The following POU2F1 variants were observed in gnomAD, a reference collection of about 807,000 sequenced individuals.
POU2F1 encodes POU class 2 homeobox 1, also known as POU domain, class 2, transcription factor 1.
POU2F1 carries 16 observed loss-of-function variants against 84.9 expected under a neutral mutation model. The observed-to-expected ratio is 0.19, with a 90% CI of 0.13 to 0.29. The LOEUF is 0.29. Among genes scored for constraint, POU2F1 ranks in the 10% least tolerant of loss-of-function variants. The pLI is 1.00. For missense variants in POU2F1, 738 were observed against 942.6 expected (o/e 0.78, Z 2.84); for synonymous variants, 368 against 368.3 (o/e 1.00, Z 0.01).
At chr1:167,255,652 T>C (rs1418263859) in intron 1 of POU2F1, among the ~76,000 whole-genome samples, 3 of 151,974 alleles carry the variant, frequency 2.0e-5, no homozygotes, top group Admixed American at 2.0e-4. Context: ...CAAGAATCCA[T>C]ACAAGAGCAA....
intron 1 of POU2F1, among the ~76,000 whole-genome samples, chr1:167,257,039 G>T (rs766759503): frequency 6.6e-6 from 1 of 152,166 alleles, no homozygotes; most frequent in Non-Finnish European, 1.5e-5. Flanking sequence ...GCCACTTCTT[G>T]ATGCTATCTA....
intron 7 of POU2F1, chr1:167,379,234 C>T (rs1232327034): frequency 1.3e-5 from 2 of 152,226 alleles, no homozygotes; most frequent in Non-Finnish European, 2.9e-5. Flanking sequence ...TATCTGGACT[C>T]ACTTAGAGGA....
intron 5 of POU2F1, among the ~76,000 whole-genome samples, chr1:167,372,393 A>C (rs1248280046): frequency 6.6e-6 from 1 of 152,230 alleles, no homozygotes; most frequent in Admixed American, 6.5e-5. Context: ...ACATCACTGC[A>C]GGGTAGAAGT....
At chr1:167,234,391 T>C (rs1255031625) in intron 1 of POU2F1, among the ~76,000 whole-genome samples, 3 of 152,226 alleles carry the variant, frequency 2.0e-5, no homozygotes, top group Non-Finnish European at 4.4e-5. Flanking sequence ...TGCAAACTGC[T>C]GATCCTGGTA....
At chr1:167,310,134 G>A (rs1252519837) in intron 1 of POU2F1, among the ~76,000 whole-genome samples, 1 of 151,924 alleles carries the variant, frequency 6.6e-6, no homozygotes, top group African/African-American at 2.4e-5. Context: ...GAAGTTGTTA[G>A]CAAAATATAA....
At chr1:167,252,156 C>T (rs1013001650) in intron 1 of POU2F1, among the ~76,000 whole-genome samples, 2 of 152,110 alleles carry the variant, frequency 1.3e-5, no homozygotes, top group Non-Finnish European at 2.9e-5. Flanking sequence ...GCCACCGCTG[C>T]AAGTCTCTTC....
intron 1 of POU2F1, among the ~76,000 whole-genome samples, chr1:167,275,296 G>T (rs192183954): frequency 5.3e-5 from 8 of 152,088 alleles, no homozygotes; most frequent in Admixed American, 1.3e-4. Flanking sequence ...AAAGTGTTGG[G>T]ATTACAGGTG....
chr1:167,237,766 A>AAATTTTTT (rs1557836583), intron 1 of POU2F1, among the ~76,000 whole-genome samples: 1 of 58,034 alleles, frequency 1.7e-5, no homozygotes, highest in African/African-American at 5.9e-5. Context: ...ATATATATAT[A>AAATTTTTT]TATATATTTT....
At chr1:167,346,172 A>AT (rs1234921023) in intron 2 of POU2F1, among the ~76,000 whole-genome samples, 16 of 151,510 alleles carry the variant, frequency 1.1e-4, no homozygotes, top group Middle Eastern at 3.4e-3. Context: ...GAGACCCTGG[A>AT]TTTTTTTTTA....
In POU2F1 at chr1:167,383,939, C is replaced by T. The variant is rs753319069; in HGVS notation, c.801C>T (p.Thr267=). The T allele has an allele frequency of 9.3e-6, 15 of 1,613,058 alleles. No homozygotes were observed. The South Asian group carries it at 1.6e-4, about 18-fold the overall frequency. The change falls in exon 8 of 16, where the codon ACC becomes ACT. Residue 267 remains threonine (T), a synonymous_variant. Coordinates refer to ENST00000367866, the MANE Select transcript of POU2F1 (RefSeq NM_002697.4). ...ANLLQSQPSI[T]LTSQPATPTR... is the part of the protein sequence containing the mutation. ...TCCTACAGTCGCAGCCAAGCATCAC[C>T]CTCACCTCCCAGGTCAGTTTTCTTC...
intron 3 of POU2F1, 117 bp downstream of exon 3, chr1:167,365,684 A>G: frequency 1.6e-6 from 1 of 635,638 alleles, no homozygotes; most frequent in Non-Finnish European, 2.6e-6. Context: ...GCCTAGTGCT[A>G]ATTGTGTAAT....
intron 13 of POU2F1, among the ~76,000 whole-genome samples, chr1:167,403,777 T>A (rs1649367042): frequency 6.6e-6 from 1 of 152,350 alleles, no homozygotes; most frequent in South Asian, 2.1e-4. Context: ...GTTTCTCAGA[T>A]GCCCTGTCAT....
chr1:167,350,899 G>A (rs1658512535), intron 2 of POU2F1, among the ~76,000 whole-genome samples: 2 of 151,988 alleles, frequency 1.3e-5, no homozygotes, highest in African/African-American at 2.4e-5. Flanking sequence ...TAGGGAGGCT[G>A]AGACAGGAGA....
chr1:167,400,131 C>A (rs1649105902), intron 12 of POU2F1, among the ~76,000 whole-genome samples: 1 of 151,264 alleles, frequency 6.6e-6, no homozygotes, highest in Non-Finnish European at 1.5e-5. Flanking sequence ...ATTACAGGCG[C>A]CCGCCACCAG....
chr1:167,406,163 G>A (rs111854745), intron 13 of POU2F1, among the ~76,000 whole-genome samples: 7 of 152,124 alleles, frequency 4.6e-5, no homozygotes, highest in African/African-American at 1.2e-4. Context: ...TGAAAAAATC[G>A]AACGATTATA....
At chr1:167,309,971 T>C (rs1323302761) in intron 1 of POU2F1, among the ~76,000 whole-genome samples, 1 of 152,138 alleles carries the variant, frequency 6.6e-6, no homozygotes, top group Non-Finnish European at 1.5e-5. Flanking sequence ...TTACCTCAGC[T>C]CTAAATTCTT....
intron 1 of POU2F1, among the ~76,000 whole-genome samples, chr1:167,306,505 CAT>C (rs777407360): frequency 5.9e-5 from 9 of 152,000 alleles, no homozygotes; most frequent in East Asian, 3.9e-4. Context: ...TTCAAAATAA[CAT>C]ATTAATTTTA....
chr1:167,332,808 A>G (rs1373593874), intron 2 of POU2F1, among the ~76,000 whole-genome samples: 1 of 152,216 alleles, frequency 6.6e-6, no homozygotes, highest in African/African-American at 2.4e-5. Context: ...AGTTTTGGAT[A>G]TGAAATATGG....
chr1:167,399,194 G>C lies in POU2F1; in HGVS notation c.1278G>C (p.Lys426Asn). 1 of 1,602,012 alleles carries C rather than the reference G, an allele frequency of 6.2e-7. No homozygotes were observed. Among genetic ancestry groups the C allele is most frequent in the Non-Finnish European group, 8.5e-7 (1 of 1,173,546 alleles). The part of the protein sequence containing the change: ...ALEKSFLENQ[K>N]PTSEEITMIA... ...ATCTTTTCACCCTGCAGAATCAAAA[G>C]CCTACCTCGGAAGAGATCACTATGA... is the stretch of plus-strand genomic sequence containing the variant. The change falls in exon 12 of 16, where the codon AAG becomes AAC. Residue 426 changes from lysine (K) to asparagine (N), a missense_variant. Lys to Asn is a moderately conservative substitution (Grantham distance 94, BLOSUM62 0). Around this residue, in one of 4 missense-constraint regions of POU2F1, gnomAD observed 95 missense variants for 195.1 expected, o/e 0.49. Coordinates refer to ENST00000367866, the MANE Select transcript of POU2F1 (RefSeq NM_002697.4).
Sources: allele counts gnomAD v4.1 joint callset (sites outside exome capture counted in the v4.1 genomes callset), GRCh38; gene constraint gnomAD v4.1.1; regional missense constraint gnomAD v4.1.1; transcripts MANE v1.5; gene names NCBI Gene and HGNC (gene_info 2026-07-23, HGNC 2026-07-21).